DYNC1LI1: variants seen among roughly 807,000 people sequenced by gnomAD.
DYNC1LI1 encodes the protein cytoplasmic dynein 1 light intermediate chain 1.
In DYNC1LI1, 19 loss-of-function variants were observed where a neutral mutation model predicts 63.8. The observed-to-expected ratio is 0.30, with a 90% CI of 0.21 to 0.44. The LOEUF (loss-of-function observed/expected upper bound fraction) is 0.44. Among genes scored for constraint, DYNC1LI1 ranks in the 20% least tolerant of loss-of-function variants. DYNC1LI1 has a pLI of 1.00. For missense variants in DYNC1LI1, 565 were observed against 630.2 expected (o/e 0.90, Z 1.11); for synonymous variants, 225 against 232.3 (o/e 0.97, Z 0.28).
In DYNC1LI1 at chr3:32,570,630, G is replaced by T. The variant is rs1698335965; in HGVS notation, c.141C>A (p.Asn47Lys). ...GGGAGAGGTGGAGTCGTTACCAAAG[G>T]TTCTGCCCGTCCTCGTCGTCGCCTG... ...AAAGDDEDGQ[N>K]LWSCILSEVS... The change falls in exon 1 of 13, where the codon AAC becomes AAA. Residue 47 changes from asparagine to lysine, a missense_variant. By Grantham distance (94) the Asn-to-Lys change is moderately conservative (BLOSUM62 0). Transcript: ENST00000273130. 2 of 1,577,312 alleles carry T rather than the reference G, an allele frequency of 1.3e-6. No individual in the cohort carries two copies. The highest frequency in any genetic ancestry group is 1.7e-6 in the Non-Finnish European group (2 of 1,161,928).
chr3:32,561,696 A>G (rs1279453429), intron 2 of DYNC1LI1, among the ~76,000 whole-genome samples: 2 of 152,186 alleles, frequency 1.3e-5, no homozygotes, highest in East Asian at 3.8e-4. Flanking sequence ...GAAAGATTTA[A>G]AAGACCTAAC....
At position 32,554,863 on chromosome 3, in the gene DYNC1LI1, ATTTT is replaced by A. The variant is rs11434502; in HGVS notation, c.221-8902_221-8899del. On this transcript the variant is annotated intron_variant, in intron 2 of 12. Coordinates refer to ENST00000273130, the MANE Select transcript of DYNC1LI1 (RefSeq NM_016141.4). ...AACATCTGGTAATTAAAATTTTTGA[ATTTT>A]TTTTTTTTTTTTTTTTTTTTGAGAC... is the stretch of plus-strand genomic sequence containing the variant. 1.3e-4 allele frequency among the ~76,000 whole-genome samples: 14 copies of A among 104,732 alleles called. No individual in the cohort carries two copies. In the South Asian group the frequency reaches 3.1e-3, roughly 23 times the overall value. The allele number at this position is 104,732 out of a possible 152,430, so 68.7% of individuals were successfully genotyped here.
chr3:32,534,421 A>G (rs1697747445), intron 7 of DYNC1LI1, 90 bp downstream of exon 7: 1 of 931,118 alleles, frequency 1.1e-6, no homozygotes, highest in East Asian at 2.6e-5. Flanking sequence ...TGGAAGGTCT[A>G]TTGGTCCCAT....
chr3:32,541,274 C>T, intron 4 of DYNC1LI1, 68 bp from the exon 5 acceptor site: 1 of 1,072,730 alleles, frequency 9.3e-7, no homozygotes, highest in Non-Finnish European at 1.3e-6. Flanking sequence ...TTGCCATAAT[C>T]TAAAGATAAA....
In DYNC1LI1 at chr3:32,526,211, A is replaced by G. The variant is rs1415035058; in HGVS notation, c.*588T>C. The G allele has an allele frequency of 6.6e-6, 1 of 152,574 alleles. No homozygotes were observed. Among genetic ancestry groups the G allele is most frequent in the African/African-American group, 2.4e-5 (1 of 41,420 alleles). 9.5% of individuals were successfully genotyped at this position (152,574 alleles called of 1,614,324 possible). ...ACACCTTGGCCAATATTTCTAAATCATATTTTGATGACAACTTACAGGATC... is the reference window on the plus strand; with the variant it reads ...ACACCTTGGCCAATATTTCTAAATCGTATTTTGATGACAACTTACAGGATC... On this transcript the variant is annotated 3_prime_UTR_variant, in exon 13 of 13. Transcript: ENST00000273130.
chr3:32,564,172 G>A (rs898820538), intron 2 of DYNC1LI1, among the ~76,000 whole-genome samples: 2 of 152,152 alleles, frequency 1.3e-5, no homozygotes, highest in African/African-American at 4.8e-5. Context: ...TAGCCATCGT[G>A]GTGGGACTAC....
At chr3:32,569,306 T>G (rs1195524785) in intron 2 of DYNC1LI1, among the ~76,000 whole-genome samples, 2 of 152,172 alleles carry the variant, frequency 1.3e-5, no homozygotes, top group Non-Finnish European at 2.9e-5. Context: ...CCATGTAGCT[T>G]TAAAGAATAT....
chr3:32,538,008 A>ATT (rs1491321971), intron 5 of DYNC1LI1, among the ~76,000 whole-genome samples: 2 of 26,244 alleles, frequency 7.6e-5, no homozygotes, highest in Non-Finnish European at 1.2e-4. Context: ...TTATATATAT[A>ATT]ATATATATAT....
intron 5 of DYNC1LI1, among the ~76,000 whole-genome samples, chr3:32,538,027 T>C (rs1697817801): frequency 1.1e-4 from 1 of 8,830 alleles, no homozygotes; most frequent in Admixed American, 2.7e-3. Context: ...ATATAATTTA[T>C]ATATATAATA....
intron 2 of DYNC1LI1, among the ~76,000 whole-genome samples, chr3:32,566,991 C>T (rs1698268960): frequency 6.6e-6 from 1 of 152,176 alleles, no homozygotes; most frequent in South Asian, 2.1e-4. Flanking sequence ...CAGGCCTAGG[C>T]AGATTAAATG....
chr3:32,553,684 G>A, intron 2 of DYNC1LI1, among the ~76,000 whole-genome samples: 1 of 152,192 alleles, frequency 6.6e-6, no homozygotes, highest in East Asian at 1.9e-4. Flanking sequence ...AACACTTACA[G>A]AGTGCCTACC....
At position 32,537,058 on chromosome 3, in the gene DYNC1LI1, T is replaced by C; in HGVS notation, c.785A>G (p.Glu262Gly). The change falls in exon 6 of 13, where the codon GAA (glutamate) becomes GGA (glycine). Residue 262 changes from glutamate (E) to glycine (G), a missense_variant. Transcript: ENST00000273130. Reference protein sequence around the residue: ...VLEKEHDYRDEHFDFIQSHIR... With the variant: ...VLEKEHDYRDGHFDFIQSHIR... ...ATGTGACTGAATAAAATCAAAATGTTCATCTCTGTAGTCATGTTCTTTCTC... is the reference window on the plus strand; with the variant it reads ...ATGTGACTGAATAAAATCAAAATGTCCATCTCTGTAGTCATGTTCTTTCTC... 6.2e-7 allele frequency: 1 copy of C among 1,600,892 alleles called. No homozygotes were observed. The highest frequency in any genetic ancestry group is 8.5e-7 in the Non-Finnish European group (1 of 1,174,712).
intron 2 of DYNC1LI1, among the ~76,000 whole-genome samples, chr3:32,567,579 C>T (rs1698284741): frequency 6.6e-6 from 1 of 151,750 alleles, no homozygotes; most frequent in Admixed American, 6.6e-5. Context: ...CACTCTGTTG[C>T]CCAGGCTGGA....
At chr3:32,556,220 C>T (rs1698112900) in intron 2 of DYNC1LI1, among the ~76,000 whole-genome samples, 1 of 152,194 alleles carries the variant, frequency 6.6e-6, no homozygotes, top group Admixed American at 6.5e-5. Context: ...CTATCTTCTT[C>T]TGGTCTCTAG....
At chr3:32,542,184 T>C (rs565357588) in intron 4 of DYNC1LI1, among the ~76,000 whole-genome samples, 2 of 152,280 alleles carry the variant, frequency 1.3e-5, no homozygotes, top group South Asian at 2.1e-4. Context: ...GGTGCAATCA[T>C]GGCTCACTAC....
At chr3:32,543,186 T>C (rs1160271980) in intron 4 of DYNC1LI1, among the ~76,000 whole-genome samples, 10 of 151,610 alleles carry the variant, frequency 6.6e-5, no homozygotes. Flanking sequence ...AATCTAGACT[T>C]AGGGAAGAAC....
chr3:32,561,128 T>C (rs1698188367), intron 2 of DYNC1LI1, among the ~76,000 whole-genome samples: 2 of 151,310 alleles, frequency 1.3e-5, no homozygotes, highest in Non-Finnish European at 2.9e-5. Flanking sequence ...AGTGGTTGAT[T>C]ACAATGGCTA....
At position 32,528,440 on chromosome 3, in the gene DYNC1LI1, G is replaced by A; in HGVS notation, c.1462+6C>T. On this transcript the variant is annotated splice_donor_region_variant and intron_variant, in intron 12 of 12. Coordinates refer to ENST00000273130, the MANE Select transcript of DYNC1LI1 (RefSeq NM_016141.4). Reference sequence around the variant, plus strand: ...TAAACAAGTGACTTGCTTCCCATAAGCATACCTGACTTTTTGGTGGATGGT... The same window carrying A: ...TAAACAAGTGACTTGCTTCCCATAAACATACCTGACTTTTTGGTGGATGGT... 2 of 1,613,942 alleles carry A rather than the reference G, an allele frequency of 1.2e-6. No homozygotes were observed. Among genetic ancestry groups the A allele is most frequent in the Non-Finnish European group, 8.5e-7 (1 of 1,179,918 alleles).
intron 2 of DYNC1LI1, among the ~76,000 whole-genome samples, chr3:32,555,018 T>C (rs909914638): frequency 1.3e-5 from 2 of 152,076 alleles, no homozygotes; most frequent in Admixed American, 1.3e-4. Context: ...TACAGGCGCA[T>C]GCCACCATGC....
Sources: gnomAD v4.1 joint callset for allele counts (sites outside exome capture counted in the v4.1 genomes callset) on GRCh38, gnomAD v4.1.1 for gene constraint, MANE v1.5 for transcripts, NCBI Gene and HGNC (gene_info 2026-07-23, HGNC 2026-07-21) for gene names.